Variants in ABHD2 observed in about 807,000 individuals in gnomAD.
ABHD2 encodes the protein abhydrolase domain containing 2, acylglycerol lipase, also known as monoacylglycerol lipase ABHD2.
A neutral mutation model predicts 48.1 loss-of-function variants in ABHD2; 20 were observed. The observed-to-expected ratio is 0.42, with a 90% CI of 0.29 to 0.60. The LOEUF is 0.60. Among genes scored for constraint, ABHD2 ranks in the 20% least tolerant of loss-of-function variants. The pLI is 0.24. For missense variants in ABHD2, 405 were observed against 550.9 expected (o/e 0.74, Z 2.65); for synonymous variants, 209 against 214.2 (o/e 0.98, Z 0.21).
At chr15:89,159,863 G>C (rs1409467286) in intron 5 of ABHD2, among the ~76,000 whole-genome samples, 2 of 151,986 alleles carry the variant, frequency 1.3e-5, no homozygotes, top group African/African-American at 2.4e-5. Flanking sequence ...AAAGACAGGT[G>C]ACCTAGAAAA....
the ABHD2 span, among the ~76,000 whole-genome samples, chr15:89,080,110 G>A: frequency 6.6e-6 from 1 of 152,202 alleles, no homozygotes; most frequent in Non-Finnish European, 1.5e-5. Context: ...GGAAAGGCAA[G>A]AGCAGAAGAG....
At chr15:89,121,048 T>C (rs1306815254) in intron 3 of ABHD2, among the ~76,000 whole-genome samples, 5 of 152,218 alleles carry the variant, frequency 3.3e-5, no homozygotes, top group Admixed American at 3.3e-4. Context: ...CGTTTGACTT[T>C]TTTATAGCTT....
At chr15:89,194,264 C>T (rs868372103) in intron 10 of ABHD2, among the ~76,000 whole-genome samples, 1 of 151,718 alleles carries the variant, frequency 6.6e-6, no homozygotes, top group South Asian at 2.1e-4. Flanking sequence ...TTTGGGAGGC[C>T]GAGGTAGGCA....
chr15:89,141,622 C>CA (rs113171791), intron 3 of ABHD2, among the ~76,000 whole-genome samples: 3,518 of 149,584 alleles, frequency 0.024, 131 homozygotes, highest in African/African-American at 0.079. Flanking sequence ...AACTCTGTCT[C>CA]AAAAAAAAAA....
chr15:89,122,364 G>A (rs1464454582), intron 3 of ABHD2, among the ~76,000 whole-genome samples: 1 of 152,218 alleles, frequency 6.6e-6, no homozygotes, highest in Non-Finnish European at 1.5e-5. Context: ...ATTCCTGGTG[G>A]TTCCAAATCT....
chr15:89,048,700 G>A, the ABHD2 span, among the ~76,000 whole-genome samples: 1 of 151,866 alleles, frequency 6.6e-6, no homozygotes, highest in South Asian at 2.1e-4. Flanking sequence ...CAGCTCCTGA[G>A]GCTTCTGCAT....
chr15:89,067,032 G>A, the ABHD2 span, among the ~76,000 whole-genome samples: 10 of 152,196 alleles, frequency 6.6e-5, no homozygotes, highest in Non-Finnish European at 1.5e-4. Flanking sequence ...TACAGTTGAG[G>A]AAGGAGATGT....
intron 6 of ABHD2, chr15:89,183,378 A>ATATAT (rs1201272467): frequency 6.6e-4 from 39 of 59,484 alleles, no homozygotes; most frequent in African/African-American, 3.9e-3. Flanking sequence ...CAAAAAAAAA[A>ATATAT]AAAAAAATAT....
the ABHD2 span, among the ~76,000 whole-genome samples, chr15:89,071,194 T>A: frequency 6.6e-6 from 1 of 151,814 alleles, no homozygotes; most frequent in Non-Finnish European, 1.5e-5. Flanking sequence ...CCAAGGCGAG[T>A]GGATCACCTG....
At position 89,185,407 on chromosome 15, in the gene ABHD2, C is replaced by G; in HGVS notation, c.723-17C>G. On this transcript the variant is annotated splice_polypyrimidine_tract_variant and intron_variant, in intron 6 of 10. Coordinates refer to ENST00000352732, the MANE Select transcript of ABHD2 (RefSeq NM_152924.5). This position sits in a 1 kb window ranked among gnomAD's most constrained non-coding sequence, Gnocchi z 5.9. ...CCCCCACACCGCAGTCACCCTCACT[C>G]GCTGTGGTTCTTCCAGGGCCCAGGA... The G allele has an allele frequency of 6.2e-7, 1 of 1,612,252 alleles. No individual in the cohort carries two copies. Among genetic ancestry groups the G allele is most frequent in the South Asian group, 1.1e-5 (1 of 91,008 alleles).
At position 89,188,311 on chromosome 15, in the gene ABHD2, C is replaced by T. The variant is rs754955538; in HGVS notation, c.926+8C>T. 16 of 1,613,600 alleles carry T rather than the reference C, an allele frequency of 9.9e-6. No homozygotes were observed. In the Admixed American group the frequency reaches 1.0e-4, roughly 10 times the overall value. On this transcript the variant is annotated splice_region_variant and intron_variant, in intron 8 of 10. Transcript: ENST00000352732. The surrounding 1 kb of genome is among the most constrained non-coding windows in gnomAD (Gnocchi z 4.1). ...TGATGACAATGTGATGAGGTGTGTC[C>T]GCGCAGGCGGGAGAGGGACGCTCTG...
chr15:89,152,096 GAC>G (rs1401495286), intron 4 of ABHD2, among the ~76,000 whole-genome samples: 1 of 146,980 alleles, frequency 6.8e-6, no homozygotes, highest in East Asian at 2.0e-4. Context: ...TTTTTTTTGA[GAC>G]GGAGTCTCGC....
At chr15:89,046,169 C>T in the ABHD2 span, among the ~76,000 whole-genome samples, 8 of 152,088 alleles carry the variant, frequency 5.3e-5, 1 homozygote, top group East Asian at 1.2e-3. Flanking sequence ...TGGTTTTTGT[C>T]TTTGGTTCTG....
intron 3 of ABHD2, among the ~76,000 whole-genome samples, chr15:89,147,981 A>G (rs2050522903): frequency 6.6e-6 from 1 of 151,578 alleles, no homozygotes; most frequent in Non-Finnish European, 1.5e-5. Context: ...GCCGGGCGTG[A>G]TGACATGCGT....
chr15:89,071,657 G>A, the ABHD2 span, among the ~76,000 whole-genome samples: 1 of 152,170 alleles, frequency 6.6e-6, no homozygotes, highest in Non-Finnish European at 1.5e-5. Context: ...GAAGGGAGTG[G>A]GGTGGAGCTC....
rs934758177 is a variant in ABHD2, at chr15:89,155,723, A to G, written c.538+189A>G. 6.6e-6 allele frequency among the ~76,000 whole-genome samples: 1 copy of G among 152,178 alleles called. No individual in the cohort carries two copies. Among genetic ancestry groups the G allele is most frequent in the African/African-American group, 2.4e-5 (1 of 41,450 alleles). The stretch of plus-strand genomic sequence containing the variant: ...GCCATGCCTCACACCAGCCTTTGAG[A>G]TGGGCACTATAACCACCCTCACAGA... On this transcript the variant is annotated intron_variant, in intron 5 of 10. Coordinates refer to ENST00000352732, the MANE Select transcript of ABHD2 (RefSeq NM_152924.5). The surrounding 1 kb of genome is among the most constrained non-coding windows in gnomAD (Gnocchi z 4.9).
At chr15:89,136,542 T>C in intron 3 of ABHD2, 1 of 319,640 alleles carries the variant, frequency 3.1e-6, no homozygotes, top group South Asian at 2.6e-5. Flanking sequence ...CCAGTGCCCA[T>C]CTGGCTCTCA....
chr15:89,171,611 A>G (rs1326086654), intron 5 of ABHD2, among the ~76,000 whole-genome samples: 1 of 152,158 alleles, frequency 6.6e-6, no homozygotes, highest in Non-Finnish European at 1.5e-5. Flanking sequence ...CCTTGCTTTG[A>G]GGAAATGTTT....
At chr15:89,140,320 A>G (rs1236845466) in intron 3 of ABHD2, among the ~76,000 whole-genome samples, 1 of 152,168 alleles carries the variant, frequency 6.6e-6, no homozygotes, top group African/African-American at 2.4e-5. Context: ...ATAAACCTCT[A>G]GAGTAAGTTC....
Sources: allele counts gnomAD v4.1 joint callset (sites outside exome capture counted in the v4.1 genomes callset), GRCh38; gene constraint gnomAD v4.1.1; non-coding constraint Gnocchi (gnomAD v3.1); transcripts MANE v1.5; gene names NCBI Gene and HGNC (gene_info 2026-07-23, HGNC 2026-07-21).